MYO3B: variants seen among roughly 807,000 people sequenced by gnomAD.
MYO3B encodes the protein myosin-IIIb.
Under a neutral mutation model 174.6 loss-of-function variants are expected in MYO3B, and 156 were observed. The observed-to-expected ratio is 0.89, with a 90% CI of 0.78 to 1.02. The LOEUF (loss-of-function observed/expected upper bound fraction) is 1.02, where lower values mean the gene tolerates loss of function less well. MYO3B is among the 50% of genes least tolerant of loss of function. MYO3B has a pLI of 0.00. For synonymous variants in MYO3B, 563 were observed against 569.1 expected (o/e 0.99, Z 0.15); for missense variants, 1,632 against 1,639.4 (o/e 1.00, Z 0.08).
At chr2:170,287,128 T>C (rs1383438759) in intron 7 of MYO3B, among the ~76,000 whole-genome samples, 2 of 152,210 alleles carry the variant, frequency 1.3e-5, no homozygotes, top group Non-Finnish European at 2.9e-5. Flanking sequence ...AATTCATCCA[T>C]TGATGAGCAC....
rs76623372 is a variant in MYO3B at position 170,375,099 on chromosome 2, T to C, written c.971+5722T>C. ...ATTGTTACTTCATCTGTTGGAGGTG[T>C]TTTTAAACTATTTGGTCATTTCCTT... On this transcript the variant is annotated intron_variant, in intron 9 of 34. Coordinates refer to ENST00000408978, the MANE Select transcript of MYO3B (RefSeq NM_138995.5). Among the ~76,000 whole-genome samples, 1,209 of 152,272 alleles carry C rather than the reference T, an allele frequency of 7.9e-3. 17 individuals are homozygous for C. Among genetic ancestry groups the C allele is most frequent in the African/African-American group, 0.027 (1,114 of 41,540 alleles).
chr2:170,285,595 C>T (rs1449964832), intron 7 of MYO3B, among the ~76,000 whole-genome samples: 1 of 152,082 alleles, frequency 6.6e-6, no homozygotes, highest in Non-Finnish European at 1.5e-5. Context: ...AAACTCCTGA[C>T]CTTAGGTAAT....
At chr2:170,243,112 G>A (rs1259044824) in intron 7 of MYO3B, among the ~76,000 whole-genome samples, 1 of 152,154 alleles carries the variant, frequency 6.6e-6, no homozygotes, top group African/African-American at 2.4e-5. Context: ...GTCCAGCATG[G>A]TTGTTTGTAT....
At chr2:170,501,295 G>C (rs908298577) in intron 27 of MYO3B, among the ~76,000 whole-genome samples, 2 of 152,050 alleles carry the variant, frequency 1.3e-5, no homozygotes, top group African/African-American at 4.8e-5. Context: ...TGACAGTGTT[G>C]TGCTACTTAT....
intron 23 of MYO3B, 97 bp from the exon 24 acceptor site, chr2:170,463,271 A>G (rs1684421005): frequency 2.2e-6 from 2 of 912,526 alleles, no homozygotes; most frequent in Non-Finnish European, 3.5e-6. Flanking sequence ...ATGGCCCCTC[A>G]GGTATTTGGC....
intron 28 of MYO3B, among the ~76,000 whole-genome samples, chr2:170,508,058 A>G (rs374706578): frequency 2.0e-5 from 3 of 152,182 alleles, no homozygotes; most frequent in African/African-American, 4.8e-5. Context: ...CTGGAGGTCC[A>G]CTTGTGCCCA....
At chr2:170,523,358 G>A (rs766012334) in intron 30 of MYO3B, among the ~76,000 whole-genome samples, 90 of 151,756 alleles carry the variant, frequency 5.9e-4, no homozygotes, top group Admixed American at 8.5e-4. Context: ...GGGTATCCCT[G>A]ATCCAGGGAC....
intron 25 of MYO3B, among the ~76,000 whole-genome samples, chr2:170,485,994 GAGAA>G (rs1310758093): frequency 1.3e-5 from 2 of 149,258 alleles, no homozygotes; most frequent in Non-Finnish European, 3.0e-5. Context: ...CTGATTCAGT[GAGAA>G]AGAAAGAGGG....
rs1221497029 is a variant in MYO3B at position 170,335,307 on chromosome 2, T to C, written c.750-78T>C. Reference sequence around the variant, plus strand: ...ATTTTATTAGAGCTATTTAGAATGATATCAATAAAAACAAGTTGATATTTT... The same window carrying C: ...ATTTTATTAGAGCTATTTAGAATGACATCAATAAAAACAAGTTGATATTTT... On this transcript the variant is annotated intron_variant, in intron 7 of 34. Coordinates refer to ENST00000408978, the MANE Select transcript of MYO3B (RefSeq NM_138995.5). 4 of 1,048,880 alleles carry C rather than the reference T, an allele frequency of 3.8e-6. No individual in the cohort carries two copies. The East Asian group carries it at 1.0e-4, about 27-fold the overall frequency. The allele number at this position is 1,048,880 out of a possible 1,614,324, so 65.0% of individuals were successfully genotyped here.
At chr2:170,323,066 A>G (rs1478203493) in intron 7 of MYO3B, among the ~76,000 whole-genome samples, 1 of 152,266 alleles carries the variant, frequency 6.6e-6, no homozygotes, top group Non-Finnish European at 1.5e-5. Context: ...AAAAAAATCC[A>G]TAGTAGTCAA....
intron 22 of MYO3B, among the ~76,000 whole-genome samples, chr2:170,430,374 C>CT (rs11368801): frequency 0.65 from 88,386 of 136,598 alleles, 28,951 homozygotes; most frequent in East Asian, 0.87. Flanking sequence ...TTCTGGATAG[C>CT]TTTTTTTTTT....
At chr2:170,406,349 T>C (rs1233205133) in intron 21 of MYO3B, among the ~76,000 whole-genome samples, 2 of 152,224 alleles carry the variant, frequency 1.3e-5, no homozygotes, top group Non-Finnish European at 2.9e-5. Flanking sequence ...TTTATTAATT[T>C]CAGATGTATT....
intron 25 of MYO3B, among the ~76,000 whole-genome samples, chr2:170,485,133 T>C (rs974596438): frequency 6.6e-6 from 1 of 152,134 alleles, no homozygotes; most frequent in Non-Finnish European, 1.5e-5. Flanking sequence ...GCAAGTAATA[T>C]TGATCAAATT....
intron 32 of MYO3B, among the ~76,000 whole-genome samples, chr2:170,551,382 T>C (rs2355888): frequency 0.036 from 5,045 of 138,620 alleles, 242 homozygotes; most frequent in African/African-American, 0.093. Context: ...ATTTATTTAT[T>C]TATTTTTAGG....
chr2:170,469,856 A>T (rs1206333990), intron 25 of MYO3B, among the ~76,000 whole-genome samples: 1 of 152,082 alleles, frequency 6.6e-6, no homozygotes, highest in African/African-American at 2.4e-5. Context: ...TAATCCCAGC[A>T]CTTTGGGAGG....
At chr2:170,462,690 A>G (rs1559025099) in intron 23 of MYO3B, among the ~76,000 whole-genome samples, 1 of 152,288 alleles carries the variant, frequency 6.6e-6, no homozygotes, top group African/African-American at 2.4e-5. Flanking sequence ...TGCACTCTGC[A>G]AACCAAAGCA....
At chr2:170,327,001 A>G (rs1294720334) in intron 7 of MYO3B, among the ~76,000 whole-genome samples, 1 of 152,368 alleles carries the variant, frequency 6.6e-6, no homozygotes, top group Admixed American at 6.5e-5. Context: ...GATTCAATGT[A>G]GTAACTTTAC....
chr2:170,600,124 G>C (rs529498042), intron 32 of MYO3B, among the ~76,000 whole-genome samples: 7 of 133,926 alleles, frequency 5.2e-5, no homozygotes, highest in Non-Finnish European at 1.0e-4. Context: ...GCCCTTCCTT[G>C]TTGTTGTTGT....
At chr2:170,585,212 A>G (rs945742657) in intron 32 of MYO3B, among the ~76,000 whole-genome samples, 1 of 152,226 alleles carries the variant, frequency 6.6e-6, no homozygotes, top group Non-Finnish European at 1.5e-5. Context: ...GCTGATAAAT[A>G]AGTCTTACAC....
Sources: allele counts gnomAD v4.1 joint callset (sites outside exome capture counted in the v4.1 genomes callset), GRCh38; gene constraint gnomAD v4.1.1; transcripts MANE v1.5; gene names NCBI Gene and HGNC (gene_info 2026-07-23, HGNC 2026-07-21).